The following GSTCD variants were observed in gnomAD, a reference collection of about 807,000 sequenced individuals.
GSTCD encodes the protein glutathione S-transferase C-terminal domain containing, also known as glutathione S-transferase C-terminal domain-containing protein.
Under a neutral mutation model 68.3 loss-of-function variants are expected in GSTCD, and 44 were observed. That is an observed-to-expected ratio of 0.64 (90% CI 0.51 to 0.83). The LOEUF (loss-of-function observed/expected upper bound fraction) is 0.83. GSTCD is among the 40% of genes least tolerant of loss of function. The pLI is 0.00. For synonymous variants in GSTCD, 273 were observed against 255.2 expected (o/e 1.07, Z -0.67); for missense variants, 739 against 735.9 (o/e 1.00, Z -0.05).
intron 5 of GSTCD, among the ~76,000 whole-genome samples, chr4:105,781,930 G>A (rs895464618): frequency 1.3e-5 from 2 of 151,892 alleles, no homozygotes; most frequent in African/African-American, 4.8e-5. Flanking sequence ...GTCTGTGTGG[G>A]GTAGTTCGTA....
intron 5 of GSTCD, among the ~76,000 whole-genome samples, chr4:105,790,989 A>C (rs972350287): frequency 2.6e-5 from 4 of 152,066 alleles, no homozygotes; most frequent in African/African-American, 7.3e-5. Context: ...CTTAAGAACC[A>C]CTTTCTCATT....
chr4:105,775,252 C>T (rs1396689264), intron 5 of GSTCD, among the ~76,000 whole-genome samples: 3 of 152,170 alleles, frequency 2.0e-5, no homozygotes, highest in African/African-American at 7.2e-5. Context: ...AGCAATTCCT[C>T]TAACCTTTTT....
At chr4:105,843,967 C>T (rs11942577) in intron 11 of GSTCD, among the ~76,000 whole-genome samples, 16,714 of 152,078 alleles carry the variant, frequency 0.11, 1,313 homozygotes, top group African/African-American at 0.22. Flanking sequence ...AAAGCTGTCA[C>T]GTCTACATCT....
chr4:105,752,864 A>G (rs1423496851), intron 5 of GSTCD, among the ~76,000 whole-genome samples: 3 of 152,064 alleles, frequency 2.0e-5, no homozygotes, highest in Non-Finnish European at 4.4e-5. Context: ...GAATAATGAA[A>G]TACTGGTTTC....
chr4:105,804,174 A>G (rs1480211351), intron 5 of GSTCD, among the ~76,000 whole-genome samples: 3 of 152,020 alleles, frequency 2.0e-5, no homozygotes, highest in African/African-American at 7.2e-5. Flanking sequence ...CAGATTGGTG[A>G]TTCATTATTG....
At chr4:105,750,739 A>T (rs1383169223) in intron 5 of GSTCD, among the ~76,000 whole-genome samples, 1 of 152,192 alleles carries the variant, frequency 6.6e-6, no homozygotes, top group African/African-American at 2.4e-5. Context: ...CTAACTGGAA[A>T]TAACCCAAAT....
chr4:105,831,854 T>C (rs930080051), intron 8 of GSTCD, among the ~76,000 whole-genome samples: 6 of 152,286 alleles, frequency 3.9e-5, no homozygotes, highest in Admixed American at 3.9e-4. Flanking sequence ...GAGAATTGCT[T>C]GAACCCTGGA....
intron 5 of GSTCD, among the ~76,000 whole-genome samples, chr4:105,773,779 G>T (rs977681399): frequency 4.6e-5 from 7 of 152,154 alleles, no homozygotes; most frequent in Non-Finnish European, 8.8e-5. Context: ...TTCCAATTAT[G>T]TGGTCAGTTT....
chr4:105,732,121 C>A (rs1366423735), intron 5 of GSTCD, among the ~76,000 whole-genome samples: 1 of 152,132 alleles, frequency 6.6e-6, no homozygotes, highest in Non-Finnish European at 1.5e-5. Context: ...ATTTTTGCAT[C>A]AATGTTCATC....
chr4:105,736,743 C>G (rs1352752370), intron 5 of GSTCD, among the ~76,000 whole-genome samples: 1 of 152,060 alleles, frequency 6.6e-6, no homozygotes, highest in East Asian at 1.9e-4. Context: ...GGCTATACAC[C>G]CTTTCCAGTC....
chr4:105,737,530 C>T (rs1054737900), intron 5 of GSTCD, among the ~76,000 whole-genome samples: 51 of 152,096 alleles, frequency 3.4e-4, no homozygotes, highest in Admixed American at 1.1e-3. Context: ...ATGCTTTTTA[C>T]GGTCTTATTC....
chr4:105,843,022 A>G (rs905048199), intron 11 of GSTCD, among the ~76,000 whole-genome samples: 1 of 152,152 alleles, frequency 6.6e-6, no homozygotes, highest in Non-Finnish European at 1.5e-5. Context: ...ACACCATTAT[A>G]TTTTTTCTCT....
chr4:105,798,094 T>G (rs2149260078), intron 5 of GSTCD, among the ~76,000 whole-genome samples: 1 of 152,272 alleles, frequency 6.6e-6, no homozygotes, highest in Admixed American at 6.5e-5. Flanking sequence ...CAACAATATT[T>G]TCACAGCATC....
intron 5 of GSTCD, among the ~76,000 whole-genome samples, chr4:105,797,082 G>T (rs868718135): frequency 6.7e-6 from 1 of 149,210 alleles, no homozygotes. Flanking sequence ...GTGTGTGTAT[G>T]TGTGTGTGTG....
rs569857094 is a variant in GSTCD at position 105,830,431 on chromosome 4, G to A, written c.1531-4030G>A. On this transcript the variant is annotated intron_variant, in intron 8 of 11. Transcript: ENST00000515279. The stretch of plus-strand genomic sequence containing the variant: ...AAAAAAGTAAAATAAAGAAAAATTC[G>A]ACAGTCAAGGTCTCAATAAAATGTA... Among the ~76,000 whole-genome samples the A allele has an allele frequency of 7.9e-4, 120 of 152,028 alleles. 2 individuals carry two copies. The South Asian group carries it at 0.02, about 26-fold the overall frequency.
intron 5 of GSTCD, among the ~76,000 whole-genome samples, chr4:105,767,087 T>C (rs1734645339): frequency 6.6e-6 from 1 of 151,998 alleles, no homozygotes; most frequent in Non-Finnish European, 1.5e-5. Flanking sequence ...TGTCACATGG[T>C]CAGTTAAGCT....
intron 8 of GSTCD, among the ~76,000 whole-genome samples, chr4:105,828,101 C>T (rs1723732969): frequency 6.6e-6 from 1 of 152,140 alleles, no homozygotes; most frequent in African/African-American, 2.4e-5. Context: ...GTCATTTCAA[C>T]CAGATGATAA....
chr4:105,805,191 C>T (rs1275074873), intron 5 of GSTCD, among the ~76,000 whole-genome samples: 1 of 152,010 alleles, frequency 6.6e-6, no homozygotes, highest in Non-Finnish European at 1.5e-5. Context: ...ACTAATTTTT[C>T]TGAAGGGTTA....
At chr4:105,779,342 A>G (rs1317159135) in intron 5 of GSTCD, among the ~76,000 whole-genome samples, 2 of 152,334 alleles carry the variant, frequency 1.3e-5, no homozygotes, top group East Asian at 3.9e-4. Flanking sequence ...TTGGAGCAGG[A>G]ATAGCATAGA....
Sources: gnomAD v4.1 joint callset for allele counts (sites outside exome capture counted in the v4.1 genomes callset) on GRCh38, gnomAD v4.1.1 for gene constraint, MANE v1.5 for transcripts, NCBI Gene and HGNC (gene_info 2026-07-23, HGNC 2026-07-21) for gene names.